The following UNC45B variants were observed in gnomAD, a reference collection of about 807,000 sequenced individuals.
UNC45B encodes the protein unc-45 myosin chaperone B, also known as protein unc-45 homolog B.
A neutral mutation model predicts 98.7 loss-of-function variants in UNC45B; 78 were observed. The observed-to-expected ratio is 0.79, with a 90% CI of 0.66 to 0.95. UNC45B has a LOEUF of 0.95. Ranked by LOEUF, UNC45B falls within the 40% of genes least tolerant of loss-of-function variation. The probability of loss-of-function intolerance (pLI) is 0.00; values close to 1 mark genes in which losing one functional copy is unlikely to be tolerated. For synonymous variants in UNC45B, 462 were observed against 480.4 expected, an observed-to-expected ratio of 0.96 and a Z score of 0.50; for missense variants, 1,225 against 1,184.9, an observed-to-expected ratio of 1.03 and a Z score of -0.50.
chr17:35,172,649 A>G (rs1213294156), intron 13 of UNC45B, among the ~76,000 whole-genome samples: 1 of 152,168 alleles, frequency 6.6e-6, no homozygotes, highest in Non-Finnish European at 1.5e-5. Context: ...GGGCTTGCCC[A>G]GGGTTGTCAG....
Position 35,169,899 on chromosome 17 carries a change from G to A in UNC45B, c.1515G>A (p.Gly505=). 2.5e-6 allele frequency: 4 copies of A among 1,614,198 alleles called. No homozygotes were observed. The highest frequency in any genetic ancestry group is 2.5e-6 in the Non-Finnish European group (3 of 1,180,046). The part of the protein sequence containing the change: ...TDYGLRQFAE[G]STEKLAKQCR... Reference sequence around the variant, plus strand: ...ACGGTCTCAGGCAGTTTGCGGAAGGGTCGACAGAAAAACTGGCCAAACAGT... The same window carrying A: ...ACGGTCTCAGGCAGTTTGCGGAAGGATCGACAGAAAAACTGGCCAAACAGT... Residue 505 remains glycine, a synonymous_variant, in exon 11 of 20, where the codon GGG becomes GGA. Transcript: ENST00000394570.
At chr17:35,157,009 A>G (rs565037367) in intron 7 of UNC45B, among the ~76,000 whole-genome samples, 169 of 152,312 alleles carry the variant, frequency 1.1e-3, no homozygotes, top group South Asian at 1.9e-3. Flanking sequence ...TCCAGGTCCT[A>G]GGCATCAATT....
chr17:35,163,163 T>A (rs2092113319), intron 8 of UNC45B, among the ~76,000 whole-genome samples: 1 of 152,260 alleles, frequency 6.6e-6, no homozygotes, highest in African/African-American at 2.4e-5. Context: ...GAAGTGAATG[T>A]GTATAAAGCT....
intron 18 of UNC45B, among the ~76,000 whole-genome samples, chr17:35,181,701 G>A (rs1385640525): frequency 6.7e-6 from 1 of 149,032 alleles, no homozygotes; most frequent in Non-Finnish European, 1.5e-5. Context: ...TGAGACATGA[G>A]AATCACTTGA....
intron 16 of UNC45B, 105 bp downstream of exon 16, chr17:35,177,235 G>A: frequency 9.3e-7 from 1 of 1,077,980 alleles, no homozygotes; most frequent in Non-Finnish European, 1.4e-6. Flanking sequence ...GGGGCATGGT[G>A]CTGTCACACG....
At position 35,187,794 on chromosome 17, in the gene UNC45B, T is replaced by G. The variant is rs1432932048; in HGVS notation, c.*1235T>G. 6.6e-6 allele frequency: 1 copy of G among 152,254 alleles called. No individual in the cohort carries two copies. Among genetic ancestry groups the G allele is most frequent in the Non-Finnish European group, 1.5e-5 (1 of 68,036 alleles). The allele number at this position is 152,254 out of a possible 1,614,324, so 9.4% of individuals were successfully genotyped here. A position where few individuals can be genotyped will look rare whatever the true frequency, so the allele number is the denominator to read the frequency against. On this transcript the variant is annotated 3_prime_UTR_variant, in exon 20 of 20. Transcript: ENST00000394570. ...CTGTAGATCAGAACCTCTCTGCTAA[T>G]ATTGCCTTTTTAGCATGGTTAAGAT...
Position 35,171,423 on chromosome 17 carries a change from C to T in UNC45B, c.1791C>T (p.Ala597=), listed in dbSNP as rs983705347. The change falls in exon 13 of 20, where the codon GCC becomes GCT. Residue 597 remains alanine, a synonymous_variant. Coordinates refer to ENST00000394570, the MANE Select transcript of UNC45B (RefSeq NM_001267052.2). ...TCATCCCAGAGCTTGTCCAGCTCGCCAAGTTCTCCAAGCAGCATGTGCCCG... is the reference window on the plus strand; with the variant it reads ...TCATCCCAGAGCTTGTCCAGCTCGCTAAGTTCTCCAAGCAGCATGTGCCCG... ...KEVIPELVQL[A]KFSKQHVPEE... 6.2e-7 allele frequency: 1 copy of T among 1,614,164 alleles called. No individual in the cohort carries two copies. The highest frequency in any genetic ancestry group is 1.3e-5 in the African/African-American group (1 of 75,066).
chr17:35,153,022 C>T lies in UNC45B; in HGVS notation c.471+40C>T, dbSNP rs746020718. On this transcript the variant is annotated intron_variant, in intron 5 of 19. Transcript: ENST00000394570. Reference sequence around the variant, plus strand: ...GTGCCATCCAGCCAGCAGAAGGACCCGCCAGTCTGGACAGTGACATCATTC... The same window carrying T: ...GTGCCATCCAGCCAGCAGAAGGACCTGCCAGTCTGGACAGTGACATCATTC... 4.9e-5 allele frequency: 75 copies of T among 1,536,414 alleles called. No homozygotes were observed. In the Middle Eastern group the frequency reaches 5.6e-4, roughly 12 times the overall value.
chr17:35,150,024 T>A, intron 3 of UNC45B, 24 bp from the exon 4 acceptor site: 1 of 1,568,074 alleles, frequency 6.4e-7, no homozygotes, highest in Non-Finnish European at 8.6e-7. Context: ...CCTAAGGTCC[T>A]CATCCCCCGT....
intron 10 of UNC45B, among the ~76,000 whole-genome samples, chr17:35,168,645 C>A (rs546997354): frequency 1.3e-5 from 2 of 152,330 alleles, no homozygotes; most frequent in African/African-American, 4.8e-5. Context: ...ATTTTCAGAG[C>A]AAATTCTGAA....
At chr17:35,170,501 G>A (rs964325716) in intron 12 of UNC45B, among the ~76,000 whole-genome samples, 6 of 146,298 alleles carry the variant, frequency 4.1e-5, no homozygotes, top group African/African-American at 1.5e-4. Context: ...GCCCTCAGGA[G>A]GTGAGGTCTT....
intron 18 of UNC45B, 34 bp from the exon 19 acceptor site, chr17:35,183,393 A>G: frequency 6.7e-7 from 1 of 1,492,614 alleles, no homozygotes; most frequent in Middle Eastern, 1.8e-4. Context: ...GATTGGGGAC[A>G]GTTTTCTCTG....
chr17:35,170,905 C>G (rs1372750676), intron 12 of UNC45B, among the ~76,000 whole-genome samples: 1 of 152,102 alleles, frequency 6.6e-6, no homozygotes, highest in East Asian at 1.9e-4. Flanking sequence ...CCCAGGCCCC[C>G]CCAGACTCCT....
chr17:35,150,691 G>A (rs2092011113), intron 4 of UNC45B, among the ~76,000 whole-genome samples: 1 of 152,148 alleles, frequency 6.6e-6, no homozygotes, highest in Non-Finnish European at 1.5e-5. Flanking sequence ...GGAGGTTGCA[G>A]TGAGCTGAGA....
At chr17:35,148,703 T>A (rs1044748690) in intron 2 of UNC45B, among the ~76,000 whole-genome samples, 1 of 152,080 alleles carries the variant, frequency 6.6e-6, no homozygotes, top group African/African-American at 2.4e-5. Context: ...GTCCTCCCCC[T>A]ATCGCAGGTA....
In UNC45B at chr17:35,183,427, G is replaced by A. The variant is rs562214018; in HGVS notation, c.2374G>A (p.Val792Ile). ...TGAGCCATGTTCCTGCCTCCCACAG[G>A]TACAGGAAAGGTTCTTGGCTGACGG... Reference protein sequence around the residue: ...CMCNMVLHKEVQERFLADGND... With the variant: ...CMCNMVLHKEIQERFLADGND... Residue 792 changes from valine (V) to isoleucine (I), a missense_variant and splice_region_variant, in exon 19 of 20, where the codon GTA becomes ATA. Physicochemically the swap from Val to Ile is conservative, Grantham distance 29. Transcript: ENST00000394570. 7.0e-6 allele frequency: 11 copies of A among 1,568,068 alleles called. No individual in the cohort carries two copies. In the East Asian group the frequency reaches 1.6e-4, roughly 23 times the overall value.
chr17:35,159,319 A>G (rs1012737155), intron 7 of UNC45B, 56 bp from the exon 8 acceptor site: 2 of 1,500,188 alleles, frequency 1.3e-6, no homozygotes, highest in African/African-American at 2.8e-5. Context: ...CTTCTTGGTC[A>G]TATATATGTG....
chr17:35,170,074 C>T, intron 11 of UNC45B, 40 bp from the exon 12 acceptor site: 2 of 1,601,434 alleles, frequency 1.2e-6, no homozygotes, highest in Non-Finnish European at 8.5e-7. Context: ...TTGACCTAGC[C>T]CTGGGCCCCT....
intron 14 of UNC45B, among the ~76,000 whole-genome samples, chr17:35,175,085 A>AAG (rs34062315): frequency 0.29 from 28,335 of 97,078 alleles, 3,348 homozygotes; most frequent in Middle Eastern, 0.34. Context: ...GAAAGAAAGA[A>AAG]AGAGAAAGAA....
Sources: gnomAD v4.1 joint callset for allele counts (sites outside exome capture counted in the v4.1 genomes callset) on GRCh38, gnomAD v4.1.1 for gene constraint, MANE v1.5 for transcripts, NCBI Gene and HGNC (gene_info 2026-07-23, HGNC 2026-07-21) for gene names.